The following STON2 variants were observed in gnomAD, a reference collection of about 807,000 sequenced individuals.
STON2 encodes stonin-2.
A neutral mutation model predicts 65.7 loss-of-function variants in STON2; 29 were observed. The observed-to-expected ratio is 0.44, with a 90% confidence interval of 0.33 to 0.60. STON2 has a LOEUF of 0.60. Among genes scored for constraint, STON2 ranks in the 20% least tolerant of loss-of-function variants. The pLI, the probability that STON2 is intolerant of heterozygous loss-of-function variation, is 0.03. For missense variants in STON2, 1,054 were observed against 1,118.1 expected (o/e 0.94, Z 0.82); for synonymous variants, 404 against 414.2 (o/e 0.98, Z 0.30).
At position 81,278,095 on chromosome 14, in the gene STON2, G is replaced by C; in HGVS notation, c.1387C>G (p.Pro463Ala). 6.2e-7 allele frequency: 1 copy of C among 1,614,146 alleles called. No individual in the cohort carries two copies. Among genetic ancestry groups the C allele is most frequent in the Non-Finnish European group, 8.5e-7 (1 of 1,180,024 alleles). The part of the protein sequence containing the change: ...FGSATLPDDD[P>A]VAWIELDAHP... The stretch of plus-strand genomic sequence containing the variant: ...GCATCTAGTTCAATCCAGGCTACTG[G>C]GTCATCATCAGGTAGAGTTGCACTG... Residue 463 changes from proline (P) to alanine (A), a missense_variant, in exon 6 of 8, where the codon CCA becomes GCA. Physicochemically the swap from Pro to Ala is conservative, Grantham distance 27 (BLOSUM62 -1). Coordinates refer to ENST00000614646, the MANE Select transcript of STON2 (RefSeq NM_001394390.1).
rs1894176604 is a variant in STON2 at position 81,262,194 on chromosome 14, A to C, written c.*6220T>G. 5.1e-6 allele frequency: 5 copies of C among 985,296 alleles called. No homozygotes were observed. In the South Asian group the frequency reaches 1.9e-4, roughly 37 times the overall value. The allele number at this position is 985,296 out of a possible 1,614,324, so 61.0% of individuals were successfully genotyped here. ...AGCCCAATTGGGAAAACAGCAACTTACTTAACATAGTGATTGTCTCCATGG... is the reference window on the plus strand; with the variant it reads ...AGCCCAATTGGGAAAACAGCAACTTCCTTAACATAGTGATTGTCTCCATGG... On this transcript the variant is annotated 3_prime_UTR_variant, in exon 8 of 8. Coordinates refer to ENST00000614646, the MANE Select transcript of STON2 (RefSeq NM_001394390.1).
At position 81,277,410 on chromosome 14, in the gene STON2, G is replaced by A. The variant is rs774016243; in HGVS notation, c.2072C>T (p.Thr691Ile). 7 of 1,614,048 alleles carry A rather than the reference G, an allele frequency of 4.3e-6. No individual in the cohort carries two copies. Among genetic ancestry groups the A allele is most frequent in the South Asian group, 2.2e-5 (2 of 91,090 alleles). The change falls in exon 6 of 8, where the codon ACC (threonine) becomes ATC (isoleucine). Residue 691 changes from threonine (T) to isoleucine (I), a missense_variant. Coordinates refer to ENST00000614646, the MANE Select transcript of STON2 (RefSeq NM_001394390.1). The part of the protein sequence containing the change: ...EIVLRQDIMP[T>I]TTTKWIKLHE... Reference sequence around the variant, plus strand: ...GAGCTTGATCCACTTTGTGGTGGTGGTGGGCATGATGTCCTGCCTCAAAAC... The same window carrying A: ...GAGCTTGATCCACTTTGTGGTGGTGATGGGCATGATGTCCTGCCTCAAAAC...
chr14:81,290,534 T>C (rs1895515206), intron 5 of STON2, among the ~76,000 whole-genome samples: 1 of 152,088 alleles, frequency 6.6e-6, no homozygotes, highest in Admixed American at 6.6e-5. Context: ...TGTTGTGCTA[T>C]ATCATTTCCA....
intron 2 of STON2, among the ~76,000 whole-genome samples, chr14:81,417,481 A>T (rs1901493911): frequency 6.6e-6 from 1 of 152,244 alleles, no homozygotes; most frequent in Admixed American, 6.5e-5. Flanking sequence ...GATAGGAAAT[A>T]ACAATTAAGC....
At chr14:81,278,886 C>T (rs997916200) in intron 5 of STON2, 147 bp from the exon 6 acceptor site, 16 of 590,528 alleles carry the variant, frequency 2.7e-5, no homozygotes, top group Non-Finnish European at 4.1e-5. Flanking sequence ...AGTGCTTAGT[C>T]TGGGCATAGA....
chr14:81,344,257 T>G (rs1047268495), intron 4 of STON2, among the ~76,000 whole-genome samples: 1 of 152,218 alleles, frequency 6.6e-6, no homozygotes, highest in Admixed American at 6.5e-5. Flanking sequence ...GTATACTTAT[T>G]ATAAATAACT....
intron 5 of STON2, among the ~76,000 whole-genome samples, chr14:81,296,978 G>T (rs1312042737): frequency 2.0e-5 from 3 of 152,170 alleles, no homozygotes; most frequent in African/African-American, 7.2e-5. Context: ...CAAGGAAAAA[G>T]ATCTTTATGG....
Position 81,262,392 on chromosome 14 carries a change from A to C in STON2, c.*6022T>G, listed in dbSNP as rs185761919. On this transcript the variant is annotated 3_prime_UTR_variant, in exon 8 of 8. Coordinates refer to ENST00000614646, the MANE Select transcript of STON2 (RefSeq NM_001394390.1). ...CCTGACCAGAGTAGACATTTGATAAATATTTGTTGAGTTGAATTAATCCTG... is the reference window on the plus strand; with the variant it reads ...CCTGACCAGAGTAGACATTTGATAACTATTTGTTGAGTTGAATTAATCCTG... 2.2e-5 allele frequency: 22 copies of C among 985,340 alleles called. No homozygotes were observed. The Admixed American group carries it at 8.0e-4, about 36-fold the overall frequency. 61.0% of individuals were successfully genotyped at this position (985,340 alleles called of 1,614,324 possible). A position where few individuals can be genotyped will look rare whatever the true frequency, so the allele number is the denominator to read the frequency against.
intron 3 of STON2, among the ~76,000 whole-genome samples, chr14:81,389,597 G>A (rs946681918): frequency 6.6e-6 from 1 of 152,186 alleles, no homozygotes; most frequent in African/African-American, 2.4e-5. Context: ...TGTCTAAGCT[G>A]GTCACCTAGC....
intron 1 of STON2, among the ~76,000 whole-genome samples, chr14:81,434,458 G>A (rs1036606461): frequency 3.9e-5 from 6 of 152,188 alleles, no homozygotes; most frequent in Admixed American, 6.5e-5. Flanking sequence ...GATTGCATCT[G>A]GAAGTGGGCT....
rs1272966768 is a variant in STON2 at position 81,262,260 on chromosome 14, TA to T, written c.*6153del. On this transcript the variant is annotated 3_prime_UTR_variant, in exon 8 of 8. Coordinates refer to ENST00000614646, the MANE Select transcript of STON2 (RefSeq NM_001394390.1). ...ATTCACAGAAACCCCAATTTCCCCT[TA>T]ATAAATCCATTATGGCATGCCTATG... 1.0e-6 allele frequency: 1 copy of T among 985,348 alleles called. No individual in the cohort carries two copies. Among genetic ancestry groups the T allele is most frequent in the Non-Finnish European group, 1.2e-6 (1 of 829,944 alleles). The allele number at this position is 985,348 out of a possible 1,614,324, so 61.0% of individuals were successfully genotyped here. A position where few individuals can be genotyped will look rare whatever the true frequency, so the allele number is the denominator to read the frequency against.
At chr14:81,283,495 C>A (rs1033921931) in intron 5 of STON2, among the ~76,000 whole-genome samples, 2 of 151,282 alleles carry the variant, frequency 1.3e-5, no homozygotes, top group East Asian at 3.9e-4. Flanking sequence ...TAAAGGCATA[C>A]CTCGTCTTTT....
intron 3 of STON2, among the ~76,000 whole-genome samples, chr14:81,389,898 T>G (rs1327725110): frequency 6.6e-6 from 1 of 152,158 alleles, no homozygotes; most frequent in African/African-American, 2.4e-5. Flanking sequence ...AGAGCCAGTT[T>G]CAAATTCTCA....
chr14:81,278,562 G>C lies in STON2; in HGVS notation c.920C>G (p.Pro307Arg), dbSNP rs778556586. ...ACTTGGTGGTGTATTTGGCTTCAGAGGAGAGGTGACTGGTGGTAAAGGGCA... is the reference window on the plus strand; with the variant it reads ...ACTTGGTGGTGTATTTGGCTTCAGACGAGAGGTGACTGGTGGTAAAGGGCA... The part of the protein sequence containing the change: ...VSCPLPPVTS[P>R]LKPNTPPSAS... The change falls in exon 6 of 8, where the codon CCT becomes CGT. Residue 307 changes from proline to arginine, a missense_variant. By Grantham distance (103) the Pro-to-Arg change is moderately radical. Transcript: ENST00000614646. 6.2e-7 allele frequency: 1 copy of C among 1,610,754 alleles called. No individual in the cohort carries two copies. The highest frequency in any genetic ancestry group is 2.2e-5 in the East Asian group (1 of 44,826).
chr14:81,267,895 A>G lies in STON2; in HGVS notation c.*519T>C. On this transcript the variant is annotated 3_prime_UTR_variant, in exon 8 of 8. Coordinates refer to ENST00000614646, the MANE Select transcript of STON2 (RefSeq NM_001394390.1). The stretch of plus-strand genomic sequence containing the variant: ...GTTAAAGAATGGAGACACCTCAAAA[A>G]GGTCTAGTAAGACCCAAAGAGGAAA... 1.0e-6 allele frequency: 1 copy of G among 985,542 alleles called. No homozygotes were observed. Among genetic ancestry groups the G allele is most frequent in the Non-Finnish European group, 1.2e-6 (1 of 830,006 alleles). 61.0% of individuals were successfully genotyped at this position (985,542 alleles called of 1,614,324 possible).
At chr14:81,311,109 T>C (rs768925011) in intron 5 of STON2, among the ~76,000 whole-genome samples, 1 of 152,132 alleles carries the variant, frequency 6.6e-6, no homozygotes, top group African/African-American at 2.4e-5. Context: ...GCCTGGGACT[T>C]AGATGACCAC....
intron 4 of STON2, among the ~76,000 whole-genome samples, chr14:81,364,613 T>C (rs1298685912): frequency 1.3e-5 from 2 of 152,176 alleles, no homozygotes; most frequent in African/African-American, 4.8e-5. Context: ...TGTGTGTGTA[T>C]ACATATACAT....
intron 4 of STON2, among the ~76,000 whole-genome samples, chr14:81,370,778 T>C (rs1898947033): frequency 6.6e-6 from 1 of 152,244 alleles, no homozygotes; most frequent in African/African-American, 2.4e-5. Flanking sequence ...CGAGTATGAA[T>C]AATCTGCCAA....
intron 4 of STON2, among the ~76,000 whole-genome samples, chr14:81,370,036 T>G (rs945278112): frequency 9.9e-5 from 15 of 152,124 alleles, no homozygotes; most frequent in African/African-American, 3.4e-4. Context: ...AAACTAGGAT[T>G]CTCTGCAACA....
Sources: gnomAD v4.1 joint callset for allele counts (sites outside exome capture counted in the v4.1 genomes callset) on GRCh38, gnomAD v4.1.1 for gene constraint, MANE v1.5 for transcripts, NCBI Gene and HGNC (gene_info 2026-07-23, HGNC 2026-07-21) for gene names.